Variants in PSMA5 observed in about 807,000 individuals in gnomAD.
The protein encoded by PSMA5 is proteasome 20S subunit alpha 5.
PSMA5 carries 3 observed loss-of-function variants against 34.5 expected under a neutral mutation model. The ratio of observed to expected loss-of-function variants is 0.09; its 90% CI spans 0.04 to 0.22. The LOEUF (loss-of-function observed/expected upper bound fraction) is 0.22, where lower values mean the gene tolerates loss of function less well. Among genes scored for constraint, PSMA5 ranks in the 10% least tolerant of loss-of-function variants. The pLI, the probability that PSMA5 is intolerant of heterozygous loss-of-function variation, is 1.00. For missense variants in PSMA5, 120 were observed against 286.1 expected (o/e 0.42, Z 4.19); for synonymous variants, 88 against 95.8 (o/e 0.92, Z 0.47).
In PSMA5 at chr1:109,426,422, A is replaced by C; in HGVS notation, c.-92T>G. ...CAACTCACCGGCAGCCAACTCACCC[A>C]CACGGCCGCAGTACTAAGGACCAAC... On this transcript the variant is annotated 5_prime_UTR_variant, in exon 1 of 9. Coordinates refer to ENST00000271308, the MANE Select transcript of PSMA5 (RefSeq NM_002790.4). 6.6e-7 allele frequency: 1 copy of C among 1,517,100 alleles called. No homozygotes were observed. The highest frequency in any genetic ancestry group is 9.2e-7 in the Non-Finnish European group (1 of 1,092,124). The allele number at this position is 1,517,100 out of a possible 1,614,324, so 94.0% of individuals were successfully genotyped here.
At chr1:109,424,251 C>T (rs1056070885) in intron 1 of PSMA5, among the ~76,000 whole-genome samples, 1 of 152,090 alleles carries the variant, frequency 6.6e-6, no homozygotes, top group African/African-American at 2.4e-5. Context: ...TCTCTAATGG[C>T]ATTAATATAT....
chr1:109,399,352 T>A lies in PSMA5; in HGVS notation c.*2661A>T, dbSNP rs1469636915. ...TGAACAATTTGTTCCTTTCCATAAC[T>A]ACTATCAGATTAATTTAAAAAAGAT... On this transcript the variant is annotated 3_prime_UTR_variant, in exon 9 of 9. Transcript: ENST00000271308. 1 of 152,098 alleles carries A rather than the reference T, an allele frequency of 6.6e-6. No individual in the cohort carries two copies. Among genetic ancestry groups the A allele is most frequent in the Non-Finnish European group, 1.5e-5 (1 of 68,028 alleles). 9.4% of individuals were successfully genotyped at this position (152,098 alleles called of 1,614,324 possible).
At chr1:109,417,568 A>G (rs534333560) in intron 2 of PSMA5, among the ~76,000 whole-genome samples, 1 of 152,334 alleles carries the variant, frequency 6.6e-6, no homozygotes. Flanking sequence ...CGTAAAATAG[A>G]GCGTCTTTGG....
intron 2 of PSMA5, among the ~76,000 whole-genome samples, chr1:109,418,698 G>A (rs943144639): frequency 1.3e-5 from 2 of 152,034 alleles, no homozygotes; most frequent in African/African-American, 4.8e-5. Flanking sequence ...TCCTCCCTCA[G>A]CCTCCCAAAG....
At chr1:109,415,937 C>T (rs995256032) in intron 2 of PSMA5, among the ~76,000 whole-genome samples, 6 of 152,104 alleles carry the variant, frequency 3.9e-5, no homozygotes, top group East Asian at 3.8e-4. Context: ...CCACCAACAA[C>T]GTAAAACTAT....
Position 109,415,340 on chromosome 1 carries a change from G to C in PSMA5, c.120C>G (p.Ile40Met). Reference protein sequence around the residue: ...AIKLGSTAIGIQTSEGVCLAV... With the variant: ...AIKLGSTAIGMQTSEGVCLAV... ...CTAGGCACACACCCTCTGATGTCTG[G>C]ATCCCAATGGCTGTAGAACCAAGCT... Residue 40 changes from isoleucine to methionine, a missense_variant, in exon 3 of 9, where the codon ATC (isoleucine) becomes ATG (methionine). Ile to Met is a conservative substitution (Grantham distance 10, BLOSUM62 1). Around this residue, in one of 3 missense-constraint regions of PSMA5, gnomAD observed 17 missense variants for 63.5 expected, o/e 0.27. Coordinates refer to ENST00000271308, the MANE Select transcript of PSMA5 (RefSeq NM_002790.4). The C allele has an allele frequency of 1.2e-6, 2 of 1,613,232 alleles. No homozygotes were observed. Among genetic ancestry groups the C allele is most frequent in the Non-Finnish European group, 1.7e-6 (2 of 1,179,490 alleles).
chr1:109,418,320 GA>G (rs1343407796), intron 2 of PSMA5, among the ~76,000 whole-genome samples: 3 of 150,754 alleles, frequency 2.0e-5, no homozygotes, highest in Non-Finnish European at 4.4e-5. Flanking sequence ...AGTTCAAAAG[GA>G]AAAAAAAATA....
rs1653418918 is a variant in PSMA5 at position 109,399,656 on chromosome 1, C to T, written c.*2357G>A. On this transcript the variant is annotated 3_prime_UTR_variant, in exon 9 of 9. Coordinates refer to ENST00000271308, the MANE Select transcript of PSMA5 (RefSeq NM_002790.4). ...GTATGTTGCTTTTAGTTATCACAGG[C>T]TTACAGTACTTATATATTTCCTTCT... is the stretch of plus-strand genomic sequence containing the variant. The T allele has an allele frequency of 6.6e-6, 1 of 152,184 alleles. No individual in the cohort carries two copies. 9.4% of individuals were successfully genotyped at this position (152,184 alleles called of 1,614,324 possible). A position where few individuals can be genotyped will look rare whatever the true frequency, so the allele number is the denominator to read the frequency against.
rs1444688082 is a variant in PSMA5, at chr1:109,413,626, T to C, written c.224-491A>G. On this transcript the variant is annotated intron_variant, in intron 3 of 8. Transcript: ENST00000271308. ...AGAGAGTTTGCCTGATGGCCCAAGCTGTCACGATTATGGCTATAACTGTTA... is the reference window on the plus strand; with the variant it reads ...AGAGAGTTTGCCTGATGGCCCAAGCCGTCACGATTATGGCTATAACTGTTA... Among the ~76,000 whole-genome samples, 4 of 152,354 alleles carry C rather than the reference T, an allele frequency of 2.6e-5. No homozygotes were observed. In the East Asian group the frequency reaches 5.8e-4, roughly 22 times the overall value.
At chr1:109,417,164 C>T (rs1423034590) in intron 2 of PSMA5, among the ~76,000 whole-genome samples, 2 of 152,112 alleles carry the variant, frequency 1.3e-5, no homozygotes, top group Non-Finnish European at 2.9e-5. Context: ...AGACTAAAGA[C>T]ATAACATTAG....
At chr1:109,425,486 G>A (rs546261094) in intron 1 of PSMA5, 48 of 152,264 alleles carry the variant, frequency 3.2e-4, no homozygotes, top group African/African-American at 1.1e-3. Flanking sequence ...GGTAACTGCA[G>A]GTGGTAAAAC....
chr1:109,425,442 ATCT>A (rs1654616895), intron 1 of PSMA5: 1 of 152,212 alleles, frequency 6.6e-6, no homozygotes, highest in Non-Finnish European at 1.5e-5. Flanking sequence ...CTTCACACAC[ATCT>A]TCTACGAGTC....
chr1:109,414,940 C>T (rs1388595881), intron 3 of PSMA5: 12 of 264,874 alleles, frequency 4.5e-5, no homozygotes, highest in Non-Finnish European at 7.1e-5. Context: ...CTAGGCAAGT[C>T]TATATTATTC....
In PSMA5 at chr1:109,410,894, T is replaced by C. The variant is rs1275049094; in HGVS notation, c.561+117A>G. 5.3e-5 allele frequency: 39 copies of C among 732,690 alleles called. No homozygotes were observed. The East Asian group carries it at 1.1e-3, about 20-fold the overall frequency. 45.4% of individuals were successfully genotyped at this position (732,690 alleles called of 1,614,324 possible). On this transcript the variant is annotated intron_variant, in intron 7 of 8. Transcript: ENST00000271308. Reference sequence around the variant, plus strand: ...TTTTCTGGTGGTGATGAAAGTGTTATTTATCTTGTTTTGCAATTGTCAAAA... The same window carrying C: ...TTTTCTGGTGGTGATGAAAGTGTTACTTATCTTGTTTTGCAATTGTCAAAA...
Position 109,401,509 on chromosome 1 carries a change from G to T in PSMA5, c.*504C>A, listed in dbSNP as rs1403782462. On this transcript the variant is annotated 3_prime_UTR_variant, in exon 9 of 9. Transcript: ENST00000271308. ...TAACATCTATTAACCACTGGGAAGA[G>T]CTGGACTAGTTCATTTATCAACACC... is the stretch of plus-strand genomic sequence containing the variant. 6.6e-6 allele frequency: 1 copy of T among 152,258 alleles called. No homozygotes were observed. The highest frequency in any genetic ancestry group is 1.5e-5 in the Non-Finnish European group (1 of 68,074). The allele number at this position is 152,258 out of a possible 1,614,324, so 9.4% of individuals were successfully genotyped here. A position where few individuals can be genotyped will look rare whatever the true frequency, so the allele number is the denominator to read the frequency against.
intron 1 of PSMA5, among the ~76,000 whole-genome samples, chr1:109,422,961 C>T (rs1425116106): frequency 6.6e-6 from 1 of 152,278 alleles, no homozygotes; most frequent in Non-Finnish European, 1.5e-5. Flanking sequence ...TAACACTTAA[C>T]ACTTTCCACC....
intron 8 of PSMA5, among the ~76,000 whole-genome samples, chr1:109,404,328 A>T (rs1161017721): frequency 3.9e-5 from 6 of 152,128 alleles, no homozygotes; most frequent in Non-Finnish European, 8.8e-5. Context: ...TAAATAAATA[A>T]ATAAATAAAA....
intron 8 of PSMA5, among the ~76,000 whole-genome samples, chr1:109,402,697 T>G (rs147690035): frequency 0.011 from 1,631 of 152,322 alleles, 17 homozygotes; most frequent in South Asian, 0.047. Context: ...AAAAAAGTTT[T>G]TTTTGTTTGT....
Position 109,426,337 on chromosome 1 carries a change from G to C in PSMA5, c.-7C>G, listed in dbSNP as rs912067592. ...CAGACCGGGTAAGAAACATGGCGAG[G>C]GTAGGAGGAGGCAGCGGCTACGCGG... On this transcript the variant is annotated 5_prime_UTR_variant, in exon 1 of 9. Transcript: ENST00000271308. 6.2e-7 allele frequency: 1 copy of C among 1,614,140 alleles called. No individual in the cohort carries two copies. The highest frequency in any genetic ancestry group is 8.5e-7 in the Non-Finnish European group (1 of 1,180,010).
Sources: allele counts gnomAD v4.1 joint callset (sites outside exome capture counted in the v4.1 genomes callset), GRCh38; gene constraint gnomAD v4.1.1; regional missense constraint gnomAD v4.1.1; transcripts MANE v1.5; gene names NCBI Gene and HGNC (gene_info 2026-07-23, HGNC 2026-07-21).